The following GDPD5 variants were observed in gnomAD, a reference collection of about 807,000 sequenced individuals.
The protein encoded by GDPD5 is glycerophosphodiester phosphodiesterase 2.
GDPD5 carries 48 observed loss-of-function variants against 75.1 expected under a neutral mutation model. The observed-to-expected ratio is 0.64, with a 90% CI of 0.51 to 0.81. GDPD5 has a LOEUF of 0.81. GDPD5 is among the 40% of genes least tolerant of loss of function. The pLI is 0.00. For synonymous variants in GDPD5, 336 were observed against 339.0 expected, an observed-to-expected ratio of 0.99 and a Z score of 0.10; for missense variants, 706 against 822.6, an observed-to-expected ratio of 0.86 and a Z score of 1.73.
At chr11:75,490,018 C>T (rs1206560762) in intron 2 of GDPD5, among the ~76,000 whole-genome samples, 2 of 152,238 alleles carry the variant, frequency 1.3e-5, no homozygotes, top group African/African-American at 2.4e-5. Flanking sequence ...GCATCAGCCT[C>T]ATGGGCTCTC....
At chr11:75,459,977 G>A (rs1003849410) in intron 4 of GDPD5, among the ~76,000 whole-genome samples, 7 of 152,184 alleles carry the variant, frequency 4.6e-5, no homozygotes, top group South Asian at 2.1e-4. Context: ...AAGGGACACC[G>A]GGAGGAACCC....
Position 75,439,958 on chromosome 11 carries a change from G to T in GDPD5, c.1477C>A (p.Pro493Thr). The change falls in exon 15 of 17, where the codon CCG (proline) becomes ACG (threonine). Residue 493 changes from proline (P) to threonine (T), a missense_variant. By Grantham distance (38) the Pro-to-Thr change is conservative. Coordinates refer to ENST00000336898, the MANE Select transcript of GDPD5 (RefSeq NM_030792.8). ...QVPSPLWIMP[P>T]DEYCLMWVTA... Reference sequence around the variant, plus strand: ...ACCCACATGAGACAGTACTCGTCCGGGGGCTGTGGACAGACGGCCCGAGGC... The same window carrying T: ...ACCCACATGAGACAGTACTCGTCCGTGGGCTGTGGACAGACGGCCCGAGGC... 1 of 1,613,146 alleles carries T rather than the reference G, an allele frequency of 6.2e-7. No individual in the cohort carries two copies. The highest frequency in any genetic ancestry group is 8.5e-7 in the Non-Finnish European group (1 of 1,179,304).
At chr11:75,491,017 C>G (rs146551956) in intron 1 of GDPD5, among the ~76,000 whole-genome samples, 1 of 152,186 alleles carries the variant, frequency 6.6e-6, no homozygotes, top group Non-Finnish European at 1.5e-5. Context: ...GCTGCAAGGA[C>G]GGAGGCCTAC....
chr11:75,453,292 A>G (rs1949211573), intron 6 of GDPD5, among the ~76,000 whole-genome samples: 1 of 152,122 alleles, frequency 6.6e-6, no homozygotes, highest in Non-Finnish European at 1.5e-5. Context: ...CTCAGGACCC[A>G]GGGGAACCAG....
intron 2 of GDPD5, among the ~76,000 whole-genome samples, chr11:75,480,267 A>G (rs1949878768): frequency 6.6e-6 from 1 of 151,936 alleles, no homozygotes; most frequent in African/African-American, 2.4e-5. Flanking sequence ...CCTGGGAGGC[A>G]GAGGTTGTCA....
intron 6 of GDPD5, chr11:75,450,856 C>T (rs1218004439): frequency 6.6e-6 from 1 of 151,978 alleles, no homozygotes. Flanking sequence ...TCCAAAGCCT[C>T]CCGCAGATCC....
intron 1 of GDPD5, among the ~76,000 whole-genome samples, chr11:75,491,482 G>A (rs532727163): frequency 5.1e-4 from 78 of 152,284 alleles, no homozygotes; most frequent in African/African-American, 1.9e-3. Context: ...TTAAAATGTG[G>A]TCTGACTCAG....
Position 75,442,400 on chromosome 11 carries a change from A to C in GDPD5, c.1130T>G (p.Leu377Arg). The C allele has an allele frequency of 6.3e-7, 1 of 1,589,942 alleles. No individual in the cohort carries two copies. The highest frequency in any genetic ancestry group is 8.6e-7 in the Non-Finnish European group (1 of 1,168,574). Residue 377 changes from leucine (L) to arginine (R), a missense_variant, in exon 12 of 17, where the codon CTG (leucine) becomes CGG (arginine). By Grantham distance (102) the Leu-to-Arg change is moderately radical. Coordinates refer to ENST00000336898, the MANE Select transcript of GDPD5 (RefSeq NM_030792.8). ...GAAGCCGGAGTGCAGCACGGCCTCC[A>C]GAGTCACGTTGATAAAACTGCTGCG... Reference protein sequence around the residue: ...PYRSSFINVTLEAVLHSGFPQ... With the variant: ...PYRSSFINVTREAVLHSGFPQ...
rs377131289 is a variant in GDPD5 at position 75,442,392 on chromosome 11, C to A, written c.1138G>T (p.Val380Leu). 6.3e-7 allele frequency: 1 copy of A among 1,578,850 alleles called. No individual in the cohort carries two copies. Among genetic ancestry groups the A allele is most frequent in the Non-Finnish European group, 8.6e-7 (1 of 1,162,858 alleles). ...TGCTGGGGGAAGCCGGAGTGCAGCA[C>A]GGCCTCCAGAGTCACGTTGATAAAA... ...SSFINVTLEA[V>L]LHSGFPQHQV... Residue 380 changes from valine to leucine, a missense_variant, in exon 12 of 17, where the codon GTG becomes TTG. Val to Leu is a conservative substitution (Grantham distance 32). Coordinates refer to ENST00000336898, the MANE Select transcript of GDPD5 (RefSeq NM_030792.8).
chr11:75,496,365 GT>G (rs1950208359), intron 1 of GDPD5, among the ~76,000 whole-genome samples: 1 of 152,282 alleles, frequency 6.6e-6, no homozygotes, highest in Admixed American at 6.5e-5. Context: ...CAGGAAGCAA[GT>G]TGGGGAGGTG....
intron 14 of GDPD5, among the ~76,000 whole-genome samples, chr11:75,440,788 G>T (rs1241639842): frequency 6.6e-6 from 1 of 152,076 alleles, no homozygotes; most frequent in Non-Finnish European, 1.5e-5. Context: ...GTACCCCTGG[G>T]CTCCAGTGAT....
At chr11:75,493,757 C>T (rs533331621) in intron 1 of GDPD5, among the ~76,000 whole-genome samples, 3 of 152,244 alleles carry the variant, frequency 2.0e-5, no homozygotes, top group South Asian at 2.1e-4. Flanking sequence ...CAGACAGCAG[C>T]GAGCACCAGT....
chr11:75,436,784 G>T (rs1948637578), intron 16 of GDPD5, 152 bp downstream of exon 16: 3 of 625,786 alleles, frequency 4.8e-6, no homozygotes, highest in Non-Finnish European at 8.7e-6. Flanking sequence ...TATGTCTGTG[G>T]GTATAATCCC....
intron 1 of GDPD5, among the ~76,000 whole-genome samples, chr11:75,524,832 C>CT (rs77511609): frequency 0.13 from 20,011 of 152,160 alleles, 1,484 homozygotes; most frequent in South Asian, 0.22. Context: ...ACTTCCTCAG[C>CT]TTTAGCATCA....
At chr11:75,494,065 CTATT>C (rs1565211954) in intron 1 of GDPD5, among the ~76,000 whole-genome samples, 3 of 151,600 alleles carry the variant, frequency 2.0e-5, no homozygotes, top group Admixed American at 6.6e-5. Flanking sequence ...TATTTCATGT[CTATT>C]TAAAGATTTT....
At chr11:75,501,162 C>A (rs192195212) in intron 1 of GDPD5, among the ~76,000 whole-genome samples, 158 of 152,326 alleles carry the variant, frequency 1.0e-3, no homozygotes, top group African/African-American at 3.7e-3. Flanking sequence ...GAGTTTGCCA[C>A]ATTGGTGAGG....
At chr11:75,442,250 A>AT (rs1007711715) in intron 12 of GDPD5, 113 bp downstream of exon 12, 11 of 794,906 alleles carry the variant, frequency 1.4e-5, no homozygotes, top group Non-Finnish European at 2.0e-5. Context: ...TGTGATCCCC[A>AT]TTTTACAAAT....
chr11:75,509,286 A>G (rs1204336280), intron 1 of GDPD5, among the ~76,000 whole-genome samples: 1 of 152,218 alleles, frequency 6.6e-6, no homozygotes, highest in Non-Finnish European at 1.5e-5. Context: ...CCCAGCAGAT[A>G]GGAAGGACAG....
At chr11:75,457,828 C>G in intron 4 of GDPD5, 42 bp from the exon 5 acceptor site, 1 of 1,486,648 alleles carries the variant, frequency 6.7e-7, no homozygotes, top group East Asian at 2.3e-5. Flanking sequence ...CTCCACCAGG[C>G]CACTACCTGG....
Sources: gnomAD v4.1 joint callset for allele counts (sites outside exome capture counted in the v4.1 genomes callset) on GRCh38, gnomAD v4.1.1 for gene constraint, MANE v1.5 for transcripts, NCBI Gene and HGNC (gene_info 2026-07-23, HGNC 2026-07-21) for gene names.